Variants in DNAH3 observed in about 807,000 individuals in gnomAD.
DNAH3 encodes the protein dynein axonemal heavy chain 3.
In DNAH3, 332 loss-of-function variants were observed where a neutral mutation model predicts 432.5. That is an observed-to-expected ratio of 0.77 (90% CI 0.70 to 0.84). The LOEUF (loss-of-function observed/expected upper bound fraction) is 0.84, where lower values mean the gene tolerates loss of function less well. DNAH3 is among the 40% of genes least tolerant of loss of function. The pLI, the probability that DNAH3 is intolerant of heterozygous loss-of-function variation, is 0.00. For synonymous variants in DNAH3, 1,956 were observed against 1,900.2 expected (o/e 1.03, Z -0.76); for missense variants, 4,861 against 5,114.0 (o/e 0.95, Z 1.51).
At chr16:21,053,906 C>T (rs2090043652) in intron 28 of DNAH3, among the ~76,000 whole-genome samples, 1 of 152,070 alleles carries the variant, frequency 6.6e-6, no homozygotes, top group South Asian at 2.1e-4. Flanking sequence ...TCACCACCCA[C>T]TGCTTGCAAC....
intron 59 of DNAH3, among the ~76,000 whole-genome samples, chr16:20,938,299 C>T (rs1261533617): frequency 1.3e-5 from 2 of 151,782 alleles, no homozygotes; most frequent in African/African-American, 2.4e-5. Flanking sequence ...GCAGGAGAAT[C>T]GCTTGAACCC....
At chr16:21,035,274 C>G (rs2089110311) in intron 35 of DNAH3, among the ~76,000 whole-genome samples, 1 of 152,146 alleles carries the variant, frequency 6.6e-6, no homozygotes, top group South Asian at 2.1e-4. Context: ...TTGCAGTGAG[C>G]TGAGATCACG....
In DNAH3 at chr16:21,058,006, A is replaced by T. The variant is rs755896951; in HGVS notation, c.3924+80T>A. On this transcript the variant is annotated intron_variant, in intron 27 of 61. Transcript: ENST00000261383. Reference sequence around the variant, plus strand: ...ATGATTTTTGTTTAGACAACAAAACATGGCTACTCTAATTATACGTCATTC... The same window carrying T: ...ATGATTTTTGTTTAGACAACAAAACTTGGCTACTCTAATTATACGTCATTC... 34 of 888,568 alleles carry T rather than the reference A, an allele frequency of 3.8e-5. No individual in the cohort carries two copies. The Admixed American group carries it at 5.8e-4, about 15-fold the overall frequency. 55.0% of individuals were successfully genotyped at this position (888,568 alleles called of 1,614,324 possible). A position where few individuals can be genotyped will look rare whatever the true frequency, so the allele number is the denominator to read the frequency against.
Position 20,974,567 on chromosome 16 carries a change from C to A in DNAH3, c.8259+666G>T, listed in dbSNP as rs111263838. ...TACATGGGTGTGCCACTACACCTGGCTGTTTTATAGTGTTTTTTTTTTTTT... is the reference window on the plus strand; with the variant it reads ...TACATGGGTGTGCCACTACACCTGGATGTTTTATAGTGTTTTTTTTTTTTT... On this transcript the variant is annotated intron_variant, in intron 51 of 61. Transcript: ENST00000261383. 1.8e-3 allele frequency among the ~76,000 whole-genome samples: 241 copies of A among 134,620 alleles called. 1 individual carries two copies. The highest frequency in any genetic ancestry group is 5.9e-3 in the African/African-American group (214 of 36,372). The allele number at this position is 134,620 out of a possible 152,430, so 88.3% of individuals were successfully genotyped here. A position where few individuals can be genotyped will look rare whatever the true frequency, so the allele number is the denominator to read the frequency against.
At chr16:21,077,196 T>C (rs1321422579) in intron 20 of DNAH3, among the ~76,000 whole-genome samples, 1 of 152,114 alleles carries the variant, frequency 6.6e-6, no homozygotes, top group Admixed American at 6.6e-5. Flanking sequence ...GGAGTCTCAC[T>C]GCGATGCCCA....
intron 6 of DNAH3, among the ~76,000 whole-genome samples, chr16:21,135,626 G>A (rs1427355866): frequency 1.3e-5 from 2 of 152,074 alleles, no homozygotes; most frequent in Non-Finnish European, 2.9e-5. Context: ...CCAGGGGTCC[G>A]CCCAGGTAGG....
chr16:20,954,865 G>A, exon 55 of DNAH3: 1 of 1,614,122 alleles, frequency 6.2e-7, no homozygotes, highest in South Asian at 1.1e-5. Flanking sequence ...AGAAACAAAG[G>A]CCAAATAACA....
intron 59 of DNAH3, among the ~76,000 whole-genome samples, chr16:20,940,840 T>A (rs961954836): frequency 2.6e-5 from 4 of 151,714 alleles, no homozygotes; most frequent in Non-Finnish European, 5.9e-5. Context: ...CCACCTGTAA[T>A]CCCACCACTT....
intron 51 of DNAH3, among the ~76,000 whole-genome samples, chr16:20,970,397 G>A (rs1786426371): frequency 6.6e-6 from 1 of 152,166 alleles, no homozygotes; most frequent in Admixed American, 6.5e-5. Flanking sequence ...GGTGGTGGGC[G>A]CTTGTAATCT....
chr16:21,026,420 T>C (rs997338974), intron 38 of DNAH3, among the ~76,000 whole-genome samples: 2 of 152,016 alleles, frequency 1.3e-5, no homozygotes, highest in African/African-American at 4.8e-5. Flanking sequence ...AAGGGAACGA[T>C]TGGCTGGGCA....
At chr16:20,975,334 T>C (rs777318497) in exon 51 of DNAH3, 2 of 1,614,200 alleles carry the variant, frequency 1.2e-6, no homozygotes, top group Non-Finnish European at 1.7e-6. Flanking sequence ...GCTTCAATTT[T>C]CACCATCATC....
intron 44 of DNAH3, among the ~76,000 whole-genome samples, chr16:20,989,107 CG>C (rs2086398701): frequency 6.6e-6 from 1 of 152,178 alleles, no homozygotes; most frequent in African/African-American, 2.4e-5. Flanking sequence ...GAGACCCGAG[CG>C]GGTTACCACT....
chr16:21,071,133 C>G (rs184054546), intron 21 of DNAH3, among the ~76,000 whole-genome samples: 30 of 152,116 alleles, frequency 2.0e-4, no homozygotes, highest in African/African-American at 6.5e-4. Context: ...ACGTCCACCT[C>G]CCAGGTTCAA....
At chr16:21,140,472 G>T in intron 5 of DNAH3, 64 bp downstream of exon 6, 1 of 1,516,348 alleles carries the variant, frequency 6.6e-7, no homozygotes, top group South Asian at 1.2e-5. Flanking sequence ...CCTGAATTTA[G>T]AATCACTGAG....
chr16:20,999,021 C>T (rs1385479467), intron 43 of DNAH3, among the ~76,000 whole-genome samples: 1 of 152,108 alleles, frequency 6.6e-6, no homozygotes, highest in Non-Finnish European at 1.5e-5. Context: ...CTTTGGGAGG[C>T]CAAGGCGGGA....
exon 62 of DNAH3, chr16:20,933,275 C>T: frequency 1.2e-6 from 2 of 1,614,164 alleles, no homozygotes; most frequent in Non-Finnish European, 1.7e-6. Context: ...GGAGAGGGTT[C>T]CTCTGCGGGC....
chr16:21,127,881 C>A, intron 7 of DNAH3, 69 bp from the exon 9 acceptor site: 2 of 1,576,506 alleles, frequency 1.3e-6, no homozygotes, highest in South Asian at 1.1e-5. Context: ...AGGACAGGTT[C>A]CAAGGGTGTG....
intron 41 of DNAH3, among the ~76,000 whole-genome samples, chr16:21,010,352 G>C (rs555356963): frequency 5.3e-5 from 8 of 152,072 alleles, no homozygotes; most frequent in Non-Finnish European, 1.2e-4. Flanking sequence ...CCCCAGCTCT[G>C]CTTTCCTCTC....
At chr16:21,142,635 T>A (rs11646163) in intron 3 of DNAH3, among the ~76,000 whole-genome samples, 5 of 150,910 alleles carry the variant, frequency 3.3e-5, no homozygotes, top group African/African-American at 4.9e-5. Context: ...AGTCCACATA[T>A]AACAACAATA....
Sources: allele counts gnomAD v4.1 joint callset (sites outside exome capture counted in the v4.1 genomes callset), GRCh38; gene constraint gnomAD v4.1.1; transcripts MANE v1.5; gene names NCBI Gene and HGNC (gene_info 2026-07-23, HGNC 2026-07-21).